Variants in MAST4 observed in about 807,000 individuals in gnomAD.
MAST4 encodes microtubule-associated serine/threonine-protein kinase 4.
A neutral mutation model predicts 162.7 loss-of-function variants in MAST4; 89 were observed. The observed-to-expected ratio is 0.55, with a 90% CI of 0.46 to 0.65. The LOEUF is 0.65. Among genes scored for constraint, MAST4 ranks in the 30% least tolerant of loss-of-function variants. The probability of loss-of-function intolerance (pLI) is 0.00; values close to 1 mark genes in which losing one functional copy is unlikely to be tolerated. For synonymous variants in MAST4, 1,479 were observed against 1,361.1 expected (o/e 1.09, Z -1.91); for missense variants, 3,153 against 3,374.0 (o/e 0.93, Z 1.62).
At chr5:66,894,400 C>T (rs754069648) in intron 3 of MAST4, among the ~76,000 whole-genome samples, 5 of 152,188 alleles carry the variant, frequency 3.3e-5, no homozygotes, top group African/African-American at 4.8e-5. Flanking sequence ...AGCATTTACA[C>T]ATTCAAGTAA....
chr5:66,722,368 A>G (rs9791090), intron 1 of MAST4, among the ~76,000 whole-genome samples: 29,812 of 151,370 alleles, frequency 0.2, 4,153 homozygotes, highest in African/African-American at 0.37. Flanking sequence ...TTAAGTCTTC[A>G]CCGAAAGTTA....
chr5:66,698,569 G>A (rs902295954), intron 1 of MAST4, among the ~76,000 whole-genome samples: 5 of 152,054 alleles, frequency 3.3e-5, no homozygotes, highest in African/African-American at 9.7e-5. Context: ...AAGTGATTCA[G>A]CTATCCAGCC....
At chr5:67,101,942 GT>G (rs1000838884) in intron 8 of MAST4, among the ~76,000 whole-genome samples, 1 of 151,204 alleles carries the variant, frequency 6.6e-6, no homozygotes, top group African/African-American at 2.4e-5. Flanking sequence ...TATTGAAAGA[GT>G]AAAGAAGAAT....
rs1764983698 is a variant in MAST4, at chr5:66,927,424, CCCAATTTAGCAGCAT to C, written c.674+27444_674+27458del. On this transcript the variant is annotated intron_variant, in intron 4 of 28. Coordinates refer to ENST00000403625, the MANE Select transcript of MAST4 (RefSeq NM_001164664.2). Reference sequence around the variant, plus strand: ...ATGTGCAGGTTTTGAAATTTAGGTACCCAATTTAGCAGCATCTGACTTCTCATTTTCTTGCTCATA... The same window carrying C: ...ATGTGCAGGTTTTGAAATTTAGGTACCTGACTTCTCATTTTCTTGCTCATA... Among the ~76,000 whole-genome samples, 4 of 152,290 alleles carry C rather than the reference CCCAATTTAGCAGCAT, an allele frequency of 2.6e-5. 1 individual carries two copies. The South Asian group carries it at 8.3e-4, about 32-fold the overall frequency.
chr5:67,020,747 C>G (rs1199711774), intron 4 of MAST4, among the ~76,000 whole-genome samples: 1 of 152,152 alleles, frequency 6.6e-6, no homozygotes, highest in African/African-American at 2.4e-5. Flanking sequence ...CCTCATCTTT[C>G]AGTATGGAAA....
At chr5:66,935,748 A>AC (rs1429512000) in intron 4 of MAST4, among the ~76,000 whole-genome samples, 1 of 147,822 alleles carries the variant, frequency 6.8e-6, no homozygotes, top group Non-Finnish European at 1.5e-5. Flanking sequence ...GTTCACTGCC[A>AC]CCTCCGCCTC....
At chr5:66,702,488 T>C (rs1749845716) in intron 1 of MAST4, among the ~76,000 whole-genome samples, 1 of 151,922 alleles carries the variant, frequency 6.6e-6, no homozygotes, top group Admixed American at 6.6e-5. Flanking sequence ...ATGCTGTGTG[T>C]GTATGTGGGG....
At chr5:66,618,776 T>A (rs1489668899) in intron 1 of MAST4, among the ~76,000 whole-genome samples, 2 of 152,218 alleles carry the variant, frequency 1.3e-5, no homozygotes, top group East Asian at 3.9e-4. Flanking sequence ...AGTCTGAGAA[T>A]CGCTAGTGCA....
intron 1 of MAST4, among the ~76,000 whole-genome samples, chr5:66,693,709 A>T (rs56228404): frequency 1.2e-5 from 1 of 80,622 alleles, no homozygotes; most frequent in East Asian, 4.9e-4. Flanking sequence ...TTAAACAAAG[A>T]GCTAGACGCT....
intron 3 of MAST4, among the ~76,000 whole-genome samples, chr5:66,833,109 A>G (rs569270928): frequency 3.9e-4 from 59 of 152,332 alleles, no homozygotes; most frequent in African/African-American, 1.4e-3. Flanking sequence ...ATACTCTAAG[A>G]GTGGATTTTA....
Position 67,165,293 on chromosome 5 carries a change from G to A in MAST4, c.6114G>A (p.Pro2038=), listed in dbSNP as rs771554207. 9 of 1,613,366 alleles carry A rather than the reference G, an allele frequency of 5.6e-6. No homozygotes were observed. The highest frequency in any genetic ancestry group is 3.3e-4 in the Middle Eastern group (2 of 6,084). The change falls in exon 29 of 29, where the codon CCG becomes CCA. Residue 2038 remains proline, a synonymous_variant. Coordinates refer to ENST00000403625, the MANE Select transcript of MAST4 (RefSeq NM_001164664.2). ...AGGCCATGGAGAAAGCATGGGCGCC[G>A]GGTGGGAAAACGAACCACAAAGATG... ...QTQAMEKAWA[P]GGKTNHKDGP... is the part of the protein sequence containing the mutation.
At chr5:66,915,698 G>T (rs1042149483) in intron 4 of MAST4, among the ~76,000 whole-genome samples, 2 of 152,098 alleles carry the variant, frequency 1.3e-5, no homozygotes, top group African/African-American at 4.8e-5. Flanking sequence ...CGCTGGTCCC[G>T]AGGGTCAGTG....
intron 3 of MAST4, among the ~76,000 whole-genome samples, chr5:66,897,368 T>G (rs896135333): frequency 2.6e-5 from 4 of 152,170 alleles, no homozygotes; most frequent in Non-Finnish European, 4.4e-5. Flanking sequence ...TGCAGGGACT[T>G]TGGCGATAAA....
intron 3 of MAST4, among the ~76,000 whole-genome samples, chr5:66,844,015 C>A (rs917035699): frequency 6.6e-6 from 1 of 152,008 alleles, no homozygotes; most frequent in Non-Finnish European, 1.5e-5. Context: ...CCTCCTCATG[C>A]AAGGAGGGTG....
intron 4 of MAST4, among the ~76,000 whole-genome samples, chr5:67,009,113 G>A (rs191403172): frequency 1.3e-5 from 2 of 152,258 alleles, no homozygotes; most frequent in East Asian, 3.9e-4. Flanking sequence ...CTGTAGGCAT[G>A]CTTTCAATGA....
chr5:66,699,085 C>T (rs920738890), intron 1 of MAST4, among the ~76,000 whole-genome samples: 2 of 152,182 alleles, frequency 1.3e-5, no homozygotes, highest in African/African-American at 2.4e-5. Context: ...CCTCCAGGCC[C>T]TATGTGATCC....
At chr5:66,876,829 A>G (rs1238049190) in intron 3 of MAST4, among the ~76,000 whole-genome samples, 1 of 152,144 alleles carries the variant, frequency 6.6e-6, no homozygotes, top group Non-Finnish European at 1.5e-5. Context: ...GGTTGGGTAA[A>G]TGGGGGAATG....
chr5:66,686,246 C>T (rs746245353), intron 1 of MAST4, among the ~76,000 whole-genome samples: 1 of 152,132 alleles, frequency 6.6e-6, no homozygotes, highest in African/African-American at 2.4e-5. Context: ...TCATAGGTGG[C>T]TGTAAGATTA....
chr5:66,749,613 T>C (rs1027062393), intron 1 of MAST4, among the ~76,000 whole-genome samples: 2 of 152,240 alleles, frequency 1.3e-5, no homozygotes, highest in Non-Finnish European at 2.9e-5. Context: ...GACAATGATA[T>C]TAATAGTCAT....
Sources: allele counts gnomAD v4.1 joint callset (sites outside exome capture counted in the v4.1 genomes callset), GRCh38; gene constraint gnomAD v4.1.1; transcripts MANE v1.5; gene names NCBI Gene and HGNC (gene_info 2026-07-23, HGNC 2026-07-21).